Variants in ANAPC10 observed in about 807,000 individuals in gnomAD.
The protein encoded by ANAPC10 is anaphase promoting complex subunit 10, also known as anaphase-promoting complex subunit 10.
In ANAPC10, 12 loss-of-function variants were observed where a neutral mutation model predicts 22.0. That is an observed-to-expected ratio of 0.55 (90% CI 0.35 to 0.88). ANAPC10 has a LOEUF of 0.88. ANAPC10 is among the 40% of genes least tolerant of loss of function. The pLI, the probability that ANAPC10 is intolerant of heterozygous loss-of-function variation, is 0.01. For missense variants in ANAPC10, 188 were observed against 220.9 expected (o/e 0.85, Z 0.94); for synonymous variants, 65 against 69.5 (o/e 0.94, Z 0.32).
chr4:145,094,460 G>C (rs1453761687), intron 2 of ANAPC10, among the ~76,000 whole-genome samples: 1 of 152,108 alleles, frequency 6.6e-6, no homozygotes, highest in Non-Finnish European at 1.5e-5. Flanking sequence ...ACCTAAAAAG[G>C]GTAAGTTTTA....
intron 4 of ANAPC10, among the ~76,000 whole-genome samples, chr4:145,015,819 T>C (rs968944558): frequency 1.3e-5 from 2 of 152,174 alleles, no homozygotes; most frequent in African/African-American, 2.4e-5. Flanking sequence ...GCCAAGAATT[T>C]TGTATCCAGT....
Position 145,014,570 on chromosome 4 carries a change from C to G in ANAPC10, c.328-18967G>C, listed in dbSNP as rs545625583. Among the ~76,000 whole-genome samples, 40 of 152,196 alleles carry G rather than the reference C, an allele frequency of 2.6e-4. 1 individual carries two copies. In the South Asian group the frequency reaches 8.3e-3, roughly 32 times the overall value. On this transcript the variant is annotated intron_variant, in intron 4 of 4. Transcript: ENST00000507656. ...CTAGGCCCCCCGCCCACCGTCTGAT[C>G]CTCCCTATACTACCACAGCTGATGC...
At chr4:145,068,785 C>G (rs924072275) in intron 3 of ANAPC10, among the ~76,000 whole-genome samples, 1 of 152,162 alleles carries the variant, frequency 6.6e-6, no homozygotes, top group Admixed American at 6.5e-5. Context: ...TGGCATGTGC[C>G]TGTAGTACCA....
intron 4 of ANAPC10, among the ~76,000 whole-genome samples, chr4:145,058,544 A>G (rs1263000995): frequency 6.6e-6 from 1 of 152,190 alleles, no homozygotes; most frequent in African/African-American, 2.4e-5. Flanking sequence ...TTGTATCCCC[A>G]GTATCTAACA....
chr4:145,036,268 C>T (rs955409434), intron 4 of ANAPC10, among the ~76,000 whole-genome samples: 1 of 152,112 alleles, frequency 6.6e-6, no homozygotes. Context: ...AGAGCTAAAT[C>T]CTGATGTGTT....
At chr4:145,036,819 C>G (rs961676340) in intron 4 of ANAPC10, among the ~76,000 whole-genome samples, 3 of 152,036 alleles carry the variant, frequency 2.0e-5, no homozygotes, top group African/African-American at 7.2e-5. Flanking sequence ...ACTTCGAGTT[C>G]AAAAACAAGC....
At chr4:145,039,091 C>T (rs1336692369) in intron 4 of ANAPC10, among the ~76,000 whole-genome samples, 1 of 117,580 alleles carries the variant, frequency 8.5e-6, no homozygotes, top group Non-Finnish European at 1.7e-5. Flanking sequence ...TCAACAGATA[C>T]TTCTGATGAC....
chr4:145,085,943 A>G (rs1330208170), intron 2 of ANAPC10, among the ~76,000 whole-genome samples: 1 of 151,524 alleles, frequency 6.6e-6, no homozygotes, highest in African/African-American at 2.4e-5. Context: ...AGCTCACTGC[A>G]ACCTCCACCT....
At chr4:145,078,086 T>C (rs1158438850) in intron 3 of ANAPC10, among the ~76,000 whole-genome samples, 1 of 152,138 alleles carries the variant, frequency 6.6e-6, no homozygotes, top group African/African-American at 2.4e-5. Context: ...CAAACTATCT[T>C]TGTTTGCAGA....
intron 4 of ANAPC10, among the ~76,000 whole-genome samples, chr4:145,058,325 C>A (rs1742364524): frequency 6.6e-6 from 1 of 152,114 alleles, no homozygotes; most frequent in African/African-American, 2.4e-5. Flanking sequence ...TGATTTTGCA[C>A]CTGAATAGGC....
chr4:145,024,410 C>T (rs923986426), intron 4 of ANAPC10, among the ~76,000 whole-genome samples: 2 of 152,138 alleles, frequency 1.3e-5, no homozygotes, highest in Admixed American at 1.3e-4. Context: ...GCAGCTAATG[C>T]CTTATGAAAT....
chr4:144,997,601 A>T (rs540477923), intron 4 of ANAPC10, among the ~76,000 whole-genome samples: 1 of 152,344 alleles, frequency 6.6e-6, no homozygotes, highest in East Asian at 1.9e-4. Context: ...GGAAAGGAAC[A>T]ACCAGTACCA....
chr4:145,026,147 G>A (rs576403688), intron 4 of ANAPC10, among the ~76,000 whole-genome samples: 12 of 152,150 alleles, frequency 7.9e-5, no homozygotes, highest in Non-Finnish European at 1.3e-4. Flanking sequence ...CCCTTGCCAC[G>A]TGCCCCAGGC....
At chr4:145,010,190 T>C (rs1734072131) in intron 4 of ANAPC10, among the ~76,000 whole-genome samples, 1 of 152,136 alleles carries the variant, frequency 6.6e-6, no homozygotes. Flanking sequence ...CTGGAGGGGA[T>C]GTGGAGAAAT....
chr4:145,012,791 T>A (rs912991317), intron 4 of ANAPC10, among the ~76,000 whole-genome samples: 4 of 152,160 alleles, frequency 2.6e-5, no homozygotes, highest in African/African-American at 9.7e-5. Context: ...AAACACTTTT[T>A]AACTATTTTT....
intron 4 of ANAPC10, among the ~76,000 whole-genome samples, chr4:144,996,913 A>C (rs1731703061): frequency 6.6e-6 from 1 of 152,194 alleles, no homozygotes; most frequent in South Asian, 2.1e-4. Flanking sequence ...GAAGCTGAAA[A>C]CCATGGCACG....
At chr4:145,049,286 A>C (rs1740759827) in intron 4 of ANAPC10, among the ~76,000 whole-genome samples, 1 of 152,220 alleles carries the variant, frequency 6.6e-6, no homozygotes, top group Non-Finnish European at 1.5e-5. Context: ...TTAAAATAAC[A>C]CTGAAGTTTA....
intron 4 of ANAPC10, among the ~76,000 whole-genome samples, chr4:145,020,211 C>A (rs902352439): frequency 1.3e-5 from 2 of 152,076 alleles, no homozygotes; most frequent in African/African-American, 4.8e-5. Flanking sequence ...CTGAATCCAA[C>A]AACATACCAA....
intron 3 of ANAPC10, among the ~76,000 whole-genome samples, chr4:145,066,637 A>G (rs1743734222): frequency 6.6e-6 from 1 of 152,182 alleles, no homozygotes; most frequent in African/African-American, 2.4e-5. Flanking sequence ...TACTAAAAAC[A>G]CTAATGATAA....
Sources: allele counts gnomAD v4.1 joint callset (sites outside exome capture counted in the v4.1 genomes callset), GRCh38; gene constraint gnomAD v4.1.1; transcripts MANE v1.5; gene names NCBI Gene and HGNC (gene_info 2026-07-23, HGNC 2026-07-21).